FAM174A: variants seen among roughly 807,000 people sequenced by gnomAD.
The protein encoded by FAM174A is membrane protein FAM174A.
Under a neutral mutation model 14.3 loss-of-function variants are expected in FAM174A, and 14 were observed. The observed-to-expected ratio is 0.98, with a 90% confidence interval of 0.65 to 1.53. The LOEUF is 1.53. FAM174A is among the 40% of genes most tolerant of loss of function. FAM174A has a pLI of 0.00. For synonymous variants in FAM174A, 108 were observed against 111.4 expected (o/e 0.97, Z 0.19); for missense variants, 241 against 249.6 (o/e 0.97, Z 0.23).
chr5:100,559,160 T>C (rs1284598616), intron 1 of FAM174A, among the ~76,000 whole-genome samples: 4 of 152,144 alleles, frequency 2.6e-5, no homozygotes, highest in Non-Finnish European at 5.9e-5. Context: ...CAGCATTTGC[T>C]TGTCTGTAAA....
intron 2 of FAM174A, among the ~76,000 whole-genome samples, chr5:100,574,552 T>C (rs535154282): frequency 2.0e-5 from 3 of 152,272 alleles, no homozygotes; most frequent in East Asian, 3.9e-4. Flanking sequence ...GAGTAAATAT[T>C]TTATTTGAAG....
At chr5:100,572,629 AT>A (rs1236700078) in intron 2 of FAM174A, among the ~76,000 whole-genome samples, 1 of 151,812 alleles carries the variant, frequency 6.6e-6, no homozygotes. Context: ...AATGTGCCAC[AT>A]TTTCTTAATC....
chr5:100,554,990 C>A (rs1394352467), intron 1 of FAM174A, among the ~76,000 whole-genome samples: 1 of 151,750 alleles, frequency 6.6e-6, no homozygotes, highest in Non-Finnish European at 1.5e-5. Context: ...AGGTTTGTTA[C>A]ATATGTATAC....
At chr5:100,558,518 G>A (rs1003531614) in intron 1 of FAM174A, among the ~76,000 whole-genome samples, 11 of 152,072 alleles carry the variant, frequency 7.2e-5, no homozygotes, top group African/African-American at 2.4e-4. Context: ...TGGTTGATCT[G>A]TCTAATGTTG....
chr5:100,535,742 C>G lies in FAM174A; in HGVS notation c.212C>G (p.Ala71Gly). The change falls in exon 1 of 3, where the codon GCT (alanine) becomes GGT (glycine). Residue 71 changes from alanine to glycine, a missense_variant. Physicochemically the swap from Ala to Gly is moderately conservative, Grantham distance 60. Transcript: ENST00000312637. ...GCCCAGCAGCCGGGCCGTGGTCTGG[C>G]TGAAGCTGCGGGGCCGCGGGGCTCC... ...TPAQQPGRGLAEAAGPRGSEG... is the reference protein window; with the variant it reads ...TPAQQPGRGLGEAAGPRGSEG... 1 of 1,604,990 alleles carries G rather than the reference C, an allele frequency of 6.2e-7. No homozygotes were observed. Among genetic ancestry groups the G allele is most frequent in the Non-Finnish European group, 8.5e-7 (1 of 1,177,732 alleles).
intron 1 of FAM174A, among the ~76,000 whole-genome samples, chr5:100,559,389 C>G (rs1746474879): frequency 1.3e-5 from 2 of 152,090 alleles, no homozygotes; most frequent in African/African-American, 4.8e-5. Context: ...TTCATTTCAA[C>G]TTTGGTGAAT....
chr5:100,585,060 G>A (rs1747100671), intron 2 of FAM174A, among the ~76,000 whole-genome samples: 1 of 152,130 alleles, frequency 6.6e-6, no homozygotes, highest in Non-Finnish European at 1.5e-5. Context: ...ATTTACTGGA[G>A]ATACGAATTG....
intron 1 of FAM174A, among the ~76,000 whole-genome samples, chr5:100,555,396 T>C (rs978792570): frequency 2.0e-5 from 3 of 152,092 alleles, no homozygotes; most frequent in Non-Finnish European, 2.9e-5. Flanking sequence ...CATACGTGTG[T>C]GTGTGTCTTT....
At chr5:100,581,978 A>G (rs2112406534) in intron 2 of FAM174A, among the ~76,000 whole-genome samples, 1 of 152,310 alleles carries the variant, frequency 6.6e-6, no homozygotes, top group African/African-American at 2.4e-5. Context: ...TTTATGTGGT[A>G]GGTAATTTTC....
At chr5:100,582,496 G>T (rs572803391) in intron 2 of FAM174A, among the ~76,000 whole-genome samples, 2 of 151,122 alleles carry the variant, frequency 1.3e-5, no homozygotes, top group South Asian at 2.1e-4. Context: ...AATTTGGTTT[G>T]ATCAAATGCT....
At position 100,566,141 on chromosome 5, in the gene FAM174A, G is replaced by T. The variant is rs980713455; in HGVS notation, c.569+3953G>T. Among the ~76,000 whole-genome samples the T allele has an allele frequency of 2.0e-4, 16 of 81,798 alleles. 1 individual carries two copies. The highest frequency in any genetic ancestry group is 2.9e-4 in the African/African-American group (7 of 24,326). 53.7% of individuals were successfully genotyped at this position (81,798 alleles called of 152,430 possible). On this transcript the variant is annotated intron_variant, in intron 2 of 2. Coordinates refer to ENST00000312637, the MANE Select transcript of FAM174A (RefSeq NM_198507.3). Reference sequence around the variant, plus strand: ...ACAGATAAATGAATTTGAAAAGTATGATATATATATATATATATATATATA... The same window carrying T: ...ACAGATAAATGAATTTGAAAAGTATTATATATATATATATATATATATATA...
Position 100,586,242 on chromosome 5 carries a change from TG to T in FAM174A, c.*59del. 1 of 1,277,432 alleles carries T rather than the reference TG, an allele frequency of 7.8e-7. No individual in the cohort carries two copies. The highest frequency in any genetic ancestry group is 1.1e-6 in the Non-Finnish European group (1 of 913,050). 79.1% of individuals were successfully genotyped at this position (1,277,432 alleles called of 1,614,324 possible). A position where few individuals can be genotyped will look rare whatever the true frequency, so the allele number is the denominator to read the frequency against. ...TCTACAATGAAGAGTGGAATTTCTA[TG>T]TTTAAGGAATAAGAAGCCACTATAT... On this transcript the variant is annotated 3_prime_UTR_variant, in exon 3 of 3. Transcript: ENST00000312637.
chr5:100,574,484 G>A (rs1210698704), intron 2 of FAM174A, among the ~76,000 whole-genome samples: 1 of 152,032 alleles, frequency 6.6e-6, no homozygotes, highest in Admixed American at 6.6e-5. Flanking sequence ...CACTGCACCG[G>A]GCCTCAAACT....
At chr5:100,581,178 C>A (rs746221139) in intron 2 of FAM174A, among the ~76,000 whole-genome samples, 4 of 152,124 alleles carry the variant, frequency 2.6e-5, no homozygotes, top group Non-Finnish European at 5.9e-5. Flanking sequence ...GATTCACTCA[C>A]CCGGGCCTCC....
chr5:100,583,428 G>A (rs1747059158), intron 2 of FAM174A, among the ~76,000 whole-genome samples: 1 of 152,158 alleles, frequency 6.6e-6, no homozygotes, highest in African/African-American at 2.4e-5. Context: ...GAAGTTGAAA[G>A]CAGTCTTGAA....
Position 100,550,159 on chromosome 5 carries a change from T to G in FAM174A, c.435-11895T>G, listed in dbSNP as rs184603310. Among the ~76,000 whole-genome samples, 271 of 152,270 alleles carry G rather than the reference T, an allele frequency of 1.8e-3. 1 individual carries two copies. Among genetic ancestry groups the G allele is most frequent in the Non-Finnish European group, 3.0e-3 (204 of 68,026 alleles). ...AGGATACAAACTAAATATTAGGGAT[T>G]CTAGTTGGGTTAGAGTATGACAGTT... On this transcript the variant is annotated intron_variant, in intron 1 of 2. Transcript: ENST00000312637.
intron 1 of FAM174A, among the ~76,000 whole-genome samples, chr5:100,546,836 A>G (rs957179393): frequency 1.3e-5 from 2 of 152,094 alleles, no homozygotes; most frequent in African/African-American, 4.8e-5. Context: ...TTTTCTTCTC[A>G]CTGTCGACTG....
chr5:100,575,260 A>T (rs1332298386), intron 2 of FAM174A, among the ~76,000 whole-genome samples: 2 of 151,772 alleles, frequency 1.3e-5, no homozygotes, highest in Admixed American at 6.6e-5. Context: ...ATATATATAT[A>T]TTTTATTATA....
chr5:100,547,809 A>G (rs1746192282), intron 1 of FAM174A, among the ~76,000 whole-genome samples: 3 of 152,024 alleles, frequency 2.0e-5, no homozygotes, highest in Non-Finnish European at 4.4e-5. Context: ...ATATCCAATT[A>G]AAAGTGAGTT....
Sources: allele counts gnomAD v4.1 joint callset (sites outside exome capture counted in the v4.1 genomes callset), GRCh38; gene constraint gnomAD v4.1.1; transcripts MANE v1.5; gene names NCBI Gene and HGNC (gene_info 2026-07-23, HGNC 2026-07-21).